COL23A1: variants seen among roughly 807,000 people sequenced by gnomAD.
COL23A1 encodes collagen alpha-1(XXIII) chain.
A neutral mutation model predicts 99.3 loss-of-function variants in COL23A1; 97 were observed. That is an observed-to-expected ratio of 0.98 (90% CI 0.83 to 1.16). The LOEUF is 1.16. COL23A1 is among the 50% of genes most tolerant of loss of function. COL23A1 has a pLI of 0.00. For missense variants in COL23A1, 762 were observed against 757.4 expected, an observed-to-expected ratio of 1.01 and a Z score of -0.07; for synonymous variants, 320 against 308.2, an observed-to-expected ratio of 1.04 and a Z score of -0.40.
At chr5:178,575,602 G>C (rs1439126513) in intron 1 of COL23A1, among the ~76,000 whole-genome samples, 1 of 151,996 alleles carries the variant, frequency 6.6e-6, no homozygotes, top group Admixed American at 6.6e-5. Context: ...CACCTAGATG[G>C]GCAGTGGCAA....
At position 178,329,653 on chromosome 5, in the gene COL23A1, A is replaced by G. The variant is rs73804797; in HGVS notation, c.362-22734T>C. 5.5e-3 allele frequency among the ~76,000 whole-genome samples: 838 copies of G among 152,300 alleles called. 8 individuals carry two copies. The highest frequency in any genetic ancestry group is 0.019 in the African/African-American group (804 of 41,564). Reference sequence around the variant, plus strand: ...CACTTGGATGCAGGATGAAAGGCTCACACATGGCTGGGCCCAGTGGCTCAC... The same window carrying G: ...CACTTGGATGCAGGATGAAAGGCTCGCACATGGCTGGGCCCAGTGGCTCAC... On this transcript the variant is annotated intron_variant, in intron 2 of 28. Coordinates refer to ENST00000390654, the MANE Select transcript of COL23A1 (RefSeq NM_173465.4).
At chr5:178,388,650 C>T (rs1039687817) in intron 2 of COL23A1, among the ~76,000 whole-genome samples, 13 of 152,284 alleles carry the variant, frequency 8.5e-5, no homozygotes, top group East Asian at 1.9e-4. Context: ...CATCCAGGAG[C>T]GGTGGAGATG....
At chr5:178,546,356 C>T (rs1162637985) in intron 2 of COL23A1, among the ~76,000 whole-genome samples, 1 of 152,222 alleles carries the variant, frequency 6.6e-6, no homozygotes, top group African/African-American at 2.4e-5. Flanking sequence ...CCACTGTTCG[C>T]CACTTTTGTC....
At chr5:178,360,571 C>T (rs548281898) in intron 2 of COL23A1, among the ~76,000 whole-genome samples, 2 of 152,344 alleles carry the variant, frequency 1.3e-5, no homozygotes, top group South Asian at 4.1e-4. Flanking sequence ...CCTCACTAGA[C>T]TGCCAGATGC....
intron 2 of COL23A1, among the ~76,000 whole-genome samples, chr5:178,376,787 CCT>C (rs1441374266): frequency 1.3e-5 from 2 of 152,178 alleles, no homozygotes; most frequent in African/African-American, 4.8e-5. Context: ...AAAGTCATGC[CCT>C]GTTTACTGCC....
chr5:178,577,302 C>A (rs975687669), intron 1 of COL23A1, among the ~76,000 whole-genome samples: 19 of 152,288 alleles, frequency 1.2e-4, no homozygotes, highest in African/African-American at 4.3e-4. Context: ...CCCCTCTTCT[C>A]GGGACACCAG....
At chr5:178,295,439 A>G (rs1757688295) in intron 3 of COL23A1, among the ~76,000 whole-genome samples, 1 of 152,240 alleles carries the variant, frequency 6.6e-6, no homozygotes, top group Non-Finnish European at 1.5e-5. Flanking sequence ...ATGAAGGTTA[A>G]AATTACAATC....
chr5:178,478,661 G>T (rs1757161014), intron 2 of COL23A1, among the ~76,000 whole-genome samples: 1 of 152,152 alleles, frequency 6.6e-6, no homozygotes, highest in South Asian at 2.1e-4. Context: ...AGTGTCTGGA[G>T]AAATCAAGTT....
At position 178,268,760 on chromosome 5, in the gene COL23A1, GA is replaced by G; in HGVS notation, c.469-5del. On this transcript the variant is annotated splice_polypyrimidine_tract_variant and splice_region_variant and intron_variant, in intron 6 of 28. Transcript: ENST00000390654. ...CCCCTTTCGGGCCTGGAAGTCCCTG[GA>G]AAAGGAAAGTGGAGAAAGAACAGAC... The G allele has an allele frequency of 1.9e-6, 3 of 1,603,414 alleles. No homozygotes were observed. Among genetic ancestry groups the G allele is most frequent in the South Asian group, 2.3e-5 (2 of 88,878 alleles).
Position 178,255,775 on chromosome 5 carries a change from G to A in COL23A1, c.882+578C>T, listed in dbSNP as rs1372783606. 2.5e-5 allele frequency: 8 copies of A among 325,096 alleles called. No individual in the cohort carries two copies. Among genetic ancestry groups the A allele is most frequent in the Admixed American group, 6.6e-5 (2 of 30,096 alleles). 20.1% of individuals were successfully genotyped at this position (325,096 alleles called of 1,614,324 possible). Reference sequence around the variant, plus strand: ...TGGCTGCCTAATCCAACCCCCTCCCGCTCCCCACCACCTGCACAGCCAGGC... The same window carrying A: ...TGGCTGCCTAATCCAACCCCCTCCCACTCCCCACCACCTGCACAGCCAGGC... On this transcript the variant is annotated intron_variant, in intron 15 of 28. Coordinates refer to ENST00000390654, the MANE Select transcript of COL23A1 (RefSeq NM_173465.4). This position sits in a 1 kb window ranked among gnomAD's most constrained non-coding sequence, Gnocchi z 4.2.
chr5:178,315,343 C>T (rs563420461), intron 2 of COL23A1, among the ~76,000 whole-genome samples: 4 of 152,278 alleles, frequency 2.6e-5, no homozygotes, highest in South Asian at 2.1e-4. Context: ...GACCTGCTGA[C>T]GGGCTGAGCC....
intron 2 of COL23A1, among the ~76,000 whole-genome samples, chr5:178,317,211 T>C (rs2127620351): frequency 6.6e-6 from 1 of 152,362 alleles, no homozygotes; most frequent in Admixed American, 6.5e-5. Flanking sequence ...AATCCTATTA[T>C]TCTTCAAGGA....
intron 2 of COL23A1, among the ~76,000 whole-genome samples, chr5:178,469,074 TG>T (rs1264745119): frequency 6.6e-6 from 1 of 152,240 alleles, no homozygotes; most frequent in Non-Finnish European, 1.5e-5. Flanking sequence ...TTGCAGCACG[TG>T]TCAGAATCTC....
chr5:178,449,735 G>A (rs958821358), intron 2 of COL23A1, among the ~76,000 whole-genome samples: 2 of 151,392 alleles, frequency 1.3e-5, no homozygotes, highest in Non-Finnish European at 2.9e-5. Flanking sequence ...CAGAGCTTTT[G>A]TTGTCTGGTC....
chr5:178,567,423 G>C (rs1441736147), intron 1 of COL23A1, among the ~76,000 whole-genome samples: 1 of 152,160 alleles, frequency 6.6e-6, no homozygotes, highest in East Asian at 1.9e-4. Flanking sequence ...GTTGGGGTCA[G>C]GGGCACTCGT....
chr5:178,335,144 G>A (rs1043612810), intron 2 of COL23A1, among the ~76,000 whole-genome samples: 2 of 152,216 alleles, frequency 1.3e-5, no homozygotes, highest in Non-Finnish European at 1.5e-5. Flanking sequence ...GCCCTGGTGC[G>A]CCAACCAAGG....
chr5:178,279,710 C>A (rs1334309382), intron 5 of COL23A1, among the ~76,000 whole-genome samples: 1 of 152,140 alleles, frequency 6.6e-6, no homozygotes, highest in Non-Finnish European at 1.5e-5. Flanking sequence ...TTCTCACCTC[C>A]CCCTACGCCC....
Position 178,327,010 on chromosome 5 carries a change from A to G in COL23A1, c.362-20091T>C, listed in dbSNP as rs146859686. ...CGGGATTACAGGCGTGAGCCACTGC[A>G]CCGGGCCAAAAATGACTCAATTCTT... On this transcript the variant is annotated intron_variant, in intron 2 of 28. Coordinates refer to ENST00000390654, the MANE Select transcript of COL23A1 (RefSeq NM_173465.4). Among the ~76,000 whole-genome samples, 211 of 152,360 alleles carry G rather than the reference A, an allele frequency of 1.4e-3. 2 individuals carry two copies. The highest frequency in any genetic ancestry group is 0.011 in the Admixed American group (172 of 15,298).
intron 14 of COL23A1, 45 bp from the exon 15 acceptor site, chr5:178,256,442 A>G (rs1293513691): frequency 6.3e-7 from 1 of 1,575,946 alleles, no homozygotes; most frequent in African/African-American, 1.4e-5. Context: ...CTGTGAAGCC[A>G]AAACACACCT....
Sources: allele counts gnomAD v4.1 joint callset (sites outside exome capture counted in the v4.1 genomes callset), GRCh38; gene constraint gnomAD v4.1.1; non-coding constraint Gnocchi (gnomAD v3.1); transcripts MANE v1.5; gene names NCBI Gene and HGNC (gene_info 2026-07-23, HGNC 2026-07-21).